Variants in NALF1 observed in about 807,000 individuals in gnomAD.
NALF1 encodes the protein family with sequence similarity 155 member A.
A neutral mutation model predicts 48.4 loss-of-function variants in NALF1; 3 were observed. That is an observed-to-expected ratio of 0.06 (90% CI 0.03 to 0.16). The LOEUF is 0.16. Among genes scored for constraint, NALF1 ranks in the 10% least tolerant of loss-of-function variants. The pLI, the probability that NALF1 is intolerant of heterozygous loss-of-function variation, is 1.00. For synonymous variants in NALF1, 262 were observed against 245.7 expected, an observed-to-expected ratio of 1.07 and a Z score of -0.62; for missense variants, 526 against 571.5, an observed-to-expected ratio of 0.92 and a Z score of 0.81.
intron 1 of NALF1, among the ~76,000 whole-genome samples, chr13:107,768,283 C>T (rs1877473633): frequency 6.6e-6 from 1 of 152,182 alleles, no homozygotes; most frequent in South Asian, 2.1e-4. Flanking sequence ...CATTATGGCT[C>T]TGACATGCTA....
Position 107,512,436 on chromosome 13 carries a change from C to G in NALF1, c.916-301681G>C, listed in dbSNP as rs146191151. Among the ~76,000 whole-genome samples the G allele has an allele frequency of 4.5e-4, 69 of 152,240 alleles. 1 individual carries two copies. The highest frequency in any genetic ancestry group is 3.6e-3 in the Admixed American group (55 of 15,280). On this transcript the variant is annotated intron_variant, in intron 1 of 2. Transcript: ENST00000375915. ...ACCTGGTTTAGTTCAATATCTAGAC[C>G]TTGACGTTGTAAAGTCACACTGAGG...
chr13:107,412,706 G>A (rs1017743116), intron 1 of NALF1, among the ~76,000 whole-genome samples: 7 of 152,124 alleles, frequency 4.6e-5, no homozygotes, highest in African/African-American at 1.7e-4. Context: ...GTCAGTTGTT[G>A]CCTCAAGAAT....
chr13:107,282,085 A>G (rs1192176941), intron 1 of NALF1, among the ~76,000 whole-genome samples: 1 of 152,160 alleles, frequency 6.6e-6, no homozygotes, highest in Admixed American at 6.5e-5. Flanking sequence ...GTGTGCCTGC[A>G]TGAGCAACAA....
chr13:107,385,566 A>G (rs1252708207), intron 1 of NALF1, among the ~76,000 whole-genome samples: 1 of 25,514 alleles, frequency 3.9e-5, no homozygotes, highest in Non-Finnish European at 9.6e-5. Context: ...AAAAAAAAAA[A>G]AAAAAAAAAA....
At chr13:107,603,133 A>T (rs893494556) in intron 1 of NALF1, among the ~76,000 whole-genome samples, 2 of 152,176 alleles carry the variant, frequency 1.3e-5, no homozygotes, top group African/African-American at 4.8e-5. Flanking sequence ...AAAAACGATC[A>T]TTTTTATTTT....
chr13:107,642,138 G>A (rs1243841502), intron 1 of NALF1, among the ~76,000 whole-genome samples: 5 of 152,054 alleles, frequency 3.3e-5, no homozygotes, highest in Non-Finnish European at 5.9e-5. Context: ...ACAATCCCCA[G>A]GCAATTTTTA....
chr13:107,707,481 C>G (rs1875431171), intron 1 of NALF1, among the ~76,000 whole-genome samples: 1 of 152,184 alleles, frequency 6.6e-6, no homozygotes, highest in Admixed American at 6.5e-5. Context: ...AATGGAAATT[C>G]TAGATACTTC....
chr13:107,715,204 CTT>C (rs781055221), intron 1 of NALF1, among the ~76,000 whole-genome samples: 16 of 151,138 alleles, frequency 1.1e-4, no homozygotes, highest in Non-Finnish European at 2.1e-4. Flanking sequence ...CTTTCTCTCT[CTT>C]TCTTTTTTTT....
chr13:107,359,768 T>C (rs1883028941), intron 1 of NALF1, among the ~76,000 whole-genome samples: 1 of 152,156 alleles, frequency 6.6e-6, no homozygotes, highest in Non-Finnish European at 1.5e-5. Context: ...GCTTCAAAGA[T>C]TCTGTCTTTG....
chr13:107,589,015 T>C (rs1878532070), intron 1 of NALF1, among the ~76,000 whole-genome samples: 1 of 152,098 alleles, frequency 6.6e-6, no homozygotes, highest in African/African-American at 2.4e-5. Context: ...GCCTAAAATA[T>C]TCAGGACAGG....
chr13:107,670,305 TAC>T (rs141392620), intron 1 of NALF1, among the ~76,000 whole-genome samples: 2 of 151,486 alleles, frequency 1.3e-5, no homozygotes, highest in Non-Finnish European at 1.5e-5. Context: ...GACACACAAG[TAC>T]ACACACACAC....
chr13:107,597,387 A>C (rs752855617), intron 1 of NALF1, among the ~76,000 whole-genome samples: 4 of 152,168 alleles, frequency 2.6e-5, no homozygotes, highest in Non-Finnish European at 5.9e-5. Flanking sequence ...GATTTAAAGA[A>C]TGTCTACAGT....
At chr13:107,756,029 G>A (rs763270342) in intron 1 of NALF1, among the ~76,000 whole-genome samples, 71 of 152,218 alleles carry the variant, frequency 4.7e-4, no homozygotes, top group Non-Finnish European at 1.5e-4. Flanking sequence ...TATCTAATGA[G>A]GTCTTGCTTC....
chr13:107,203,549 C>T (rs1213592787), intron 2 of NALF1, among the ~76,000 whole-genome samples: 6 of 152,142 alleles, frequency 3.9e-5, no homozygotes, highest in Non-Finnish European at 8.8e-5. Flanking sequence ...GCAAGGTCAG[C>T]GAGTGACATC....
Position 107,295,720 on chromosome 13 carries a change from T to C in NALF1, c.916-84965A>G, listed in dbSNP as rs953034991. Among the ~76,000 whole-genome samples the C allele has an allele frequency of 2.0e-5, 3 of 152,166 alleles. 1 individual carries two copies. The highest frequency in any genetic ancestry group is 4.1e-4 in the South Asian group (2 of 4,830). On this transcript the variant is annotated intron_variant, in intron 1 of 2. Coordinates refer to ENST00000375915, the MANE Select transcript of NALF1 (RefSeq NM_001080396.3). ...AATGCTTGGCTGCAAAATGGAAGCA[T>C]TGGATTACTTTGGTTTTTGAACTAA...
At chr13:107,670,529 T>C (rs1469875012) in intron 1 of NALF1, among the ~76,000 whole-genome samples, 1 of 152,124 alleles carries the variant, frequency 6.6e-6, no homozygotes, top group Non-Finnish European at 1.5e-5. Flanking sequence ...ACATCTCTCC[T>C]GAGACATGGA....
At chr13:107,707,058 G>A (rs1875398477) in intron 1 of NALF1, among the ~76,000 whole-genome samples, 3 of 148,640 alleles carry the variant, frequency 2.0e-5, no homozygotes, top group South Asian at 2.2e-4. Flanking sequence ...AAGTAGCTGG[G>A]ACTACAGGCG....
intron 1 of NALF1, among the ~76,000 whole-genome samples, chr13:107,524,293 T>A (rs1222967948): frequency 1.3e-5 from 2 of 152,144 alleles, no homozygotes; most frequent in Non-Finnish European, 2.9e-5. Context: ...GTGAGCCAGT[T>A]GATTGAAAAT....
At chr13:107,296,978 T>G (rs1881738913) in intron 1 of NALF1, among the ~76,000 whole-genome samples, 1 of 151,424 alleles carries the variant, frequency 6.6e-6, no homozygotes, top group African/African-American at 2.4e-5. Flanking sequence ...TAATGTATCA[T>G]GATGAGTCAC....
Sources: gnomAD v4.1 joint callset for allele counts (sites outside exome capture counted in the v4.1 genomes callset) on GRCh38, gnomAD v4.1.1 for gene constraint, MANE v1.5 for transcripts, NCBI Gene and HGNC (gene_info 2026-07-23, HGNC 2026-07-21) for gene names.